The following ENOX1 variants were observed in gnomAD, a reference collection of about 807,000 sequenced individuals.
ENOX1 encodes the protein candidate growth-related and time keeping constitutive hydroquinone (NADH) oxidase.
ENOX1 carries 42 observed loss-of-function variants against 82.5 expected under a neutral mutation model. The ratio of observed to expected loss-of-function variants is 0.51; its 90% CI spans 0.40 to 0.66. ENOX1 has a LOEUF of 0.66. Among genes scored for constraint, ENOX1 ranks in the 30% least tolerant of loss-of-function variants. The probability of loss-of-function intolerance (pLI) is 0.00; values close to 1 mark genes in which losing one functional copy is unlikely to be tolerated. For synonymous variants in ENOX1, 271 were observed against 282.2 expected, an observed-to-expected ratio of 0.96 and a Z score of 0.40; for missense variants, 608 against 811.6, an observed-to-expected ratio of 0.75 and a Z score of 3.05.
chr13:43,656,225 G>T (rs2084425022), intron 2 of ENOX1, among the ~76,000 whole-genome samples: 1 of 152,108 alleles, frequency 6.6e-6, no homozygotes, highest in Admixed American at 6.6e-5. Context: ...GCCATTAAAA[G>T]GGTAAAATAA....
intron 2 of ENOX1, among the ~76,000 whole-genome samples, chr13:43,565,438 T>C (rs2079875681): frequency 6.6e-6 from 1 of 151,994 alleles, no homozygotes; most frequent in Admixed American, 6.6e-5. Flanking sequence ...AAATGCATGG[T>C]GTTGAGCTCC....
intron 1 of ENOX1, among the ~76,000 whole-genome samples, chr13:43,736,209 TTATTG>T (rs1406558073): frequency 1.1e-4 from 17 of 152,324 alleles, no homozygotes; most frequent in African/African-American, 3.8e-4. Context: ...CTGAAGAGCT[TTATTG>T]TAAATATTTT....
intron 2 of ENOX1, among the ~76,000 whole-genome samples, chr13:43,633,482 C>A (rs1382921225): frequency 6.6e-6 from 1 of 152,072 alleles, no homozygotes; most frequent in African/African-American, 2.4e-5. Context: ...GCATTGGGAT[C>A]CACAAATAAG....
rs191110777 is a variant in ENOX1 at position 43,219,070 on chromosome 13, C to A, written c.1801-4949G>T. Among the ~76,000 whole-genome samples the A allele has an allele frequency of 3.6e-3, 553 of 152,268 alleles. 7 individuals carry two copies. The highest frequency in any genetic ancestry group is 0.013 in the African/African-American group (532 of 41,564). Reference sequence around the variant, plus strand: ...AGCTCTGAGTGAAGTTTACCCCTTTCCTCATCTCCTGCACGATTTTCTTCC... The same window carrying A: ...AGCTCTGAGTGAAGTTTACCCCTTTACTCATCTCCTGCACGATTTTCTTCC... On this transcript the variant is annotated intron_variant, in intron 16 of 16. Coordinates refer to ENST00000690772, the MANE Select transcript of ENOX1 (RefSeq NM_001347969.2).
intron 1 of ENOX1, among the ~76,000 whole-genome samples, chr13:43,682,716 C>T (rs776277659): frequency 1.3e-5 from 2 of 152,142 alleles, no homozygotes; most frequent in African/African-American, 2.4e-5. Context: ...GCTGCATCCT[C>T]CTACCCTGCA....
At chr13:43,555,052 A>G (rs915018786) in intron 2 of ENOX1, among the ~76,000 whole-genome samples, 3 of 152,232 alleles carry the variant, frequency 2.0e-5, no homozygotes, top group African/African-American at 4.8e-5. Context: ...TATCCTGTCT[A>G]TCTAAGAGCT....
intron 5 of ENOX1, among the ~76,000 whole-genome samples, chr13:43,411,287 A>G (rs2153598508): frequency 1.3e-5 from 2 of 152,372 alleles, no homozygotes; most frequent in East Asian, 1.9e-4. Flanking sequence ...TACAGGACAC[A>G]TGTAAAATCC....
At chr13:43,326,104 T>C (rs1287591659) in intron 10 of ENOX1, among the ~76,000 whole-genome samples, 1 of 152,228 alleles carries the variant, frequency 6.6e-6, no homozygotes, top group Non-Finnish European at 1.5e-5. Flanking sequence ...GCCAGTTTTC[T>C]ATTGTAAGCT....
At chr13:43,433,603 A>G (rs2055818988) in intron 3 of ENOX1, among the ~76,000 whole-genome samples, 1 of 152,250 alleles carries the variant, frequency 6.6e-6, no homozygotes, top group African/African-American at 2.4e-5. Flanking sequence ...AAAATAATAA[A>G]TCCTATCCAT....
At chr13:43,276,887 C>G (rs1336877770) in intron 12 of ENOX1, among the ~76,000 whole-genome samples, 1 of 152,162 alleles carries the variant, frequency 6.6e-6, no homozygotes, top group African/African-American at 2.4e-5. Flanking sequence ...GCTTGTAAGA[C>G]TACTCAAGAT....
intron 2 of ENOX1, among the ~76,000 whole-genome samples, chr13:43,566,928 T>C (rs943782518): frequency 1.3e-5 from 2 of 152,100 alleles, no homozygotes; most frequent in Non-Finnish European, 2.9e-5. Context: ...TAAAGCCCCA[T>C]CAATTCTTCT....
At chr13:43,373,088 T>G (rs1310062905) in intron 5 of ENOX1, among the ~76,000 whole-genome samples, 1 of 152,158 alleles carries the variant, frequency 6.6e-6, no homozygotes, top group Non-Finnish European at 1.5e-5. Flanking sequence ...TGATAAACAT[T>G]ATATCATTTG....
chr13:43,281,353 A>G (rs895050153), intron 12 of ENOX1, among the ~76,000 whole-genome samples: 5 of 152,220 alleles, frequency 3.3e-5, no homozygotes, highest in Admixed American at 6.5e-5. Flanking sequence ...GTAGAAAATT[A>G]TCATCTTAAA....
intron 1 of ENOX1, among the ~76,000 whole-genome samples, chr13:43,713,700 T>C (rs1594528508): frequency 1.3e-5 from 2 of 152,232 alleles, no homozygotes; most frequent in African/African-American, 4.8e-5. Flanking sequence ...TTTATTTGCA[T>C]AGAGGTGTTT....
At chr13:43,551,503 A>AT (rs1310960164) in intron 2 of ENOX1, among the ~76,000 whole-genome samples, 1 of 152,180 alleles carries the variant, frequency 6.6e-6, no homozygotes, top group Non-Finnish European at 1.5e-5. Flanking sequence ...CTACTGACCC[A>AT]TTTTTTATCT....
intron 5 of ENOX1, among the ~76,000 whole-genome samples, chr13:43,376,092 T>C (rs373776461): frequency 6.6e-6 from 1 of 152,236 alleles, no homozygotes; most frequent in South Asian, 2.1e-4. Context: ...AATATTAGCT[T>C]GGACATTCAT....
intron 2 of ENOX1, among the ~76,000 whole-genome samples, chr13:43,494,570 C>A (rs2153663926): frequency 6.6e-6 from 1 of 152,186 alleles, no homozygotes; most frequent in East Asian, 1.9e-4. Context: ...TAAGAAGGCA[C>A]ATATATTCAT....
intron 5 of ENOX1, among the ~76,000 whole-genome samples, chr13:43,398,803 C>T (rs1012601310): frequency 7.1e-6 from 1 of 140,424 alleles, no homozygotes; most frequent in African/African-American, 2.7e-5. Context: ...ATTTCTTCTT[C>T]TTTTTTTTTT....
intron 10 of ENOX1, among the ~76,000 whole-genome samples, chr13:43,324,637 GA>G (rs1489511024): frequency 6.6e-6 from 1 of 152,206 alleles, no homozygotes; most frequent in African/African-American, 2.4e-5. Context: ...AAGAGGTGGG[GA>G]AAGTAGCAGG....
Sources: gnomAD v4.1 joint callset for allele counts (sites outside exome capture counted in the v4.1 genomes callset) on GRCh38, gnomAD v4.1.1 for gene constraint, MANE v1.5 for transcripts, NCBI Gene and HGNC (gene_info 2026-07-23, HGNC 2026-07-21) for gene names.